Variants in LHFPL5 observed in about 807,000 individuals in gnomAD.
The protein encoded by LHFPL5 is LHFPL tetraspan subfamily member 5.
Under a neutral mutation model 18.7 loss-of-function variants are expected in LHFPL5, and 12 were observed. The observed-to-expected ratio is 0.64, with a 90% CI of 0.41 to 1.04. The LOEUF (loss-of-function observed/expected upper bound fraction) is 1.04. LHFPL5 is among the 50% of genes least tolerant of loss of function. The pLI, the probability that LHFPL5 is intolerant of heterozygous loss-of-function variation, is 0.00. For synonymous variants in LHFPL5, 111 were observed against 120.2 expected (o/e 0.92, Z 0.50); for missense variants, 259 against 292.1 (o/e 0.89, Z 0.83).
intron 1 of LHFPL5, among the ~76,000 whole-genome samples, chr6:35,810,132 C>T (rs1474520760): frequency 1.3e-5 from 2 of 152,198 alleles, no homozygotes; most frequent in African/African-American, 4.8e-5. Flanking sequence ...CATTAACCAA[C>T]CTTTAGCTGC....
At chr6:35,820,523 A>G (rs1024303488) in intron 3 of LHFPL5, among the ~76,000 whole-genome samples, 3 of 151,938 alleles carry the variant, frequency 2.0e-5, no homozygotes, top group Non-Finnish European at 4.4e-5. Context: ...ACATGGTGAA[A>G]CCCCGTCTCT....
At chr6:35,811,026 G>A (rs528690653) in intron 1 of LHFPL5, among the ~76,000 whole-genome samples, 6 of 152,166 alleles carry the variant, frequency 3.9e-5, no homozygotes, top group African/African-American at 1.2e-4. Flanking sequence ...TGGGACCCTC[G>A]CTAGTGGCAT....
chr6:35,810,493 G>A (rs1238786568), intron 1 of LHFPL5, among the ~76,000 whole-genome samples: 5 of 151,988 alleles, frequency 3.3e-5, no homozygotes, highest in Admixed American at 6.6e-5. Context: ...GAGGTGGGTG[G>A]ATCATGATGT....
intron 1 of LHFPL5, among the ~76,000 whole-genome samples, chr6:35,812,454 G>C (rs1362286343): frequency 6.6e-6 from 1 of 152,164 alleles, no homozygotes; most frequent in Non-Finnish European, 1.5e-5. Context: ...TTGCATCCTG[G>C]ATTATGTCAC....
At chr6:35,810,694 G>A (rs1302159856) in intron 1 of LHFPL5, among the ~76,000 whole-genome samples, 1 of 152,034 alleles carries the variant, frequency 6.6e-6, no homozygotes, top group Non-Finnish European at 1.5e-5. Flanking sequence ...GGGCTTGGTG[G>A]CGGGCGCCTG....
intron 1 of LHFPL5, among the ~76,000 whole-genome samples, chr6:35,808,210 G>A (rs1768602630): frequency 6.6e-6 from 1 of 151,552 alleles, no homozygotes; most frequent in Non-Finnish European, 1.5e-5. Flanking sequence ...TAGCACTTTG[G>A]GAGGCCAAGG....
intron 2 of LHFPL5, among the ~76,000 whole-genome samples, chr6:35,815,485 A>C (rs888735964): frequency 6.6e-6 from 1 of 152,038 alleles, no homozygotes; most frequent in African/African-American, 2.4e-5. Flanking sequence ...TTCAGAGCAT[A>C]AATTTCTTCC....
intron 1 of LHFPL5, among the ~76,000 whole-genome samples, chr6:35,812,785 T>A (rs1581971000): frequency 6.6e-6 from 1 of 152,230 alleles, no homozygotes; most frequent in Non-Finnish European, 1.5e-5. Flanking sequence ...CTGGGCACGG[T>A]GGCTCACGCC....
intron 3 of LHFPL5, among the ~76,000 whole-genome samples, chr6:35,820,185 TAGAC>T (rs976681226): frequency 6.6e-5 from 10 of 152,284 alleles, no homozygotes; most frequent in African/African-American, 2.2e-4. Flanking sequence ...ATAAAAGTCA[TAGAC>T]AGAAAAACAA....
rs143505680 is a variant in LHFPL5 at position 35,814,323 on chromosome 6, G to A, written c.413-223G>A. ...GGCTTAGGAGCTCAGCTCTGCCTCC[G>A]CCCCAACTACTGGGTCTCGGGGGCC... is the stretch of plus-strand genomic sequence containing the variant. On this transcript the variant is annotated intron_variant, in intron 1 of 3. Transcript: ENST00000360215. This position sits in a 1 kb window ranked among gnomAD's most constrained non-coding sequence, Gnocchi z 4.2. Among the ~76,000 whole-genome samples, 571 of 152,218 alleles carry A rather than the reference G, an allele frequency of 3.8e-3. 2 individuals are homozygous for A. Among genetic ancestry groups the A allele is most frequent in the Non-Finnish European group, 6.1e-3 (416 of 67,990 alleles).
At chr6:35,821,015 C>A (rs1768854916) in intron 3 of LHFPL5, among the ~76,000 whole-genome samples, 1 of 152,040 alleles carries the variant, frequency 6.6e-6, no homozygotes, top group Non-Finnish European at 1.5e-5. Context: ...TGTTAAAATG[C>A]AGATTCTGCT....
At chr6:35,821,171 GCAT>G (rs1206318607) in intron 3 of LHFPL5, among the ~76,000 whole-genome samples, 1 of 151,972 alleles carries the variant, frequency 6.6e-6, no homozygotes, top group Non-Finnish European at 1.5e-5. Context: ...GGGTGTGGTG[GCAT>G]GCACCTGTAA....
intron 2 of LHFPL5, among the ~76,000 whole-genome samples, chr6:35,817,650 C>T (rs919888610): frequency 1.3e-5 from 2 of 152,180 alleles, no homozygotes; most frequent in Non-Finnish European, 2.9e-5. Context: ...ATCAAATCCA[C>T]ATTGAGATAC....
intron 1 of LHFPL5, among the ~76,000 whole-genome samples, chr6:35,806,899 C>G (rs530438102): frequency 3.3e-5 from 5 of 152,308 alleles, no homozygotes; most frequent in Non-Finnish European, 7.3e-5. Flanking sequence ...TCTCAGCTGA[C>G]TGCAGCCTCA....
chr6:35,818,351 A>ATATATATATTTTTTTTTTTTTT (rs1768805129), intron 2 of LHFPL5, among the ~76,000 whole-genome samples: 1 of 106,926 alleles, frequency 9.4e-6, no homozygotes, highest in African/African-American at 3.8e-5. Context: ...ATATATATGT[A>ATATATATATTTTTTTTTTTTTT]TTTTTTTTTT....
rs1768555065 is a variant in LHFPL5, at chr6:35,805,640, G to A, written c.-31G>A. 2 of 1,613,320 alleles carry A rather than the reference G, an allele frequency of 1.2e-6. No individual in the cohort carries two copies. The highest frequency in any genetic ancestry group is 8.5e-7 in the Non-Finnish European group (1 of 1,179,698). On this transcript the variant is annotated 5_prime_UTR_variant, in exon 1 of 4. Transcript: ENST00000360215. This position sits in a 1 kb window ranked among gnomAD's most constrained non-coding sequence, Gnocchi z 4.3. ...CAAAGCTACGGACTTGCAGCCCACGGGACCCCAGCCCAGGGCCTGCTGCCC... is the reference window on the plus strand; with the variant it reads ...CAAAGCTACGGACTTGCAGCCCACGAGACCCCAGCCCAGGGCCTGCTGCCC...
rs763639486 is a variant in LHFPL5 at position 35,821,857 on chromosome 6, A to ATTTTTTTTTTTTTTTTTTTTT, written c.*17-1111_*17-1091dup. Among the ~76,000 whole-genome samples the ATTTTTTTTTTTTTTTTTTTTT allele has an allele frequency of 1.0e-4, 4 of 39,136 alleles. 1 individual carries two copies. The highest frequency in any genetic ancestry group is 3.5e-4 in the African/African-American group (4 of 11,322). The allele number at this position is 39,136 out of a possible 152,430, so 25.7% of individuals were successfully genotyped here. ...AACTCCACAGCACTGGTGTACCACAATTTTTTTTTTTTTTTTTTTTTTTTT... is the reference window on the plus strand; with the variant it reads ...AACTCCACAGCACTGGTGTACCACAATTTTTTTTTTTTTTTTTTTTTTTTTTTTTTTTTTTTTTTTTTTTTT... On this transcript the variant is annotated intron_variant, in intron 3 of 3. Coordinates refer to ENST00000360215, the MANE Select transcript of LHFPL5 (RefSeq NM_182548.4).
Position 35,814,569 on chromosome 6 carries a change from C to G in LHFPL5, c.436C>G (p.Leu146Val), listed in dbSNP as rs200209955. The G allele has an allele frequency of 5.0e-6, 8 of 1,614,174 alleles. No homozygotes were observed. The highest frequency in any genetic ancestry group is 1.7e-6 in the Non-Finnish European group (2 of 1,180,022). The change falls in exon 2 of 4, where the codon CTG (leucine) becomes GTG (valine). Residue 146 changes from leucine to valine, a missense_variant. By Grantham distance (32) the Leu-to-Val change is conservative. Coordinates refer to ENST00000360215, the MANE Select transcript of LHFPL5 (RefSeq NM_182548.4). The surrounding 1 kb of genome is among the most constrained non-coding windows in gnomAD (Gnocchi z 4.2). ...AGCCACAGGCCTAATGATTGGCTGC[C>G]TGGTCTACCCTGATGGTTGGGACTC... ...AAATGLMIGC[L>V]VYPDGWDSSE... is the part of the protein sequence containing the mutation.
intron 2 of LHFPL5, among the ~76,000 whole-genome samples, chr6:35,816,019 A>C (rs1480644155): frequency 6.6e-6 from 1 of 152,032 alleles, no homozygotes; most frequent in Admixed American, 6.6e-5. Flanking sequence ...AAAATACAAA[A>C]AATTAGCCGG....
Sources: gnomAD v4.1 joint callset for allele counts (sites outside exome capture counted in the v4.1 genomes callset) on GRCh38, gnomAD v4.1.1 for gene constraint, Gnocchi (gnomAD v3.1) non-coding constraint, MANE v1.5 for transcripts, NCBI Gene and HGNC (gene_info 2026-07-23, HGNC 2026-07-21) for gene names.